Variants in USH2A observed in about 807,000 individuals in gnomAD.
USH2A encodes usherin, also known as Usher syndrome 2A (autosomal recessive, mild).
Under a neutral mutation model 538.9 loss-of-function variants are expected in USH2A, and 443 were observed. That is an observed-to-expected ratio of 0.82 (90% CI 0.76 to 0.89). The LOEUF (loss-of-function observed/expected upper bound fraction) is 0.89, where lower values mean the gene tolerates loss of function less well. USH2A is among the 40% of genes least tolerant of loss of function. The pLI, the probability that USH2A is intolerant of heterozygous loss-of-function variation, is 0.00. For synonymous variants in USH2A, 2,413 were observed against 2,273.5 expected (o/e 1.06, Z -1.75); for missense variants, 6,633 against 6,324.8 (o/e 1.05, Z -1.65).
chr1:215,743,414 G>GTC, intron 58 of USH2A, 79 bp from the exon 59 acceptor site: 17 of 391,194 alleles, frequency 4.3e-5, no homozygotes, highest in South Asian at 9.8e-5. Context: ...GTGTGTGTGT[G>GTC]TGTATATATA....
chr1:216,148,474 C>G (rs1031401678), intron 21 of USH2A, among the ~76,000 whole-genome samples: 11 of 152,012 alleles, frequency 7.2e-5, no homozygotes, highest in Non-Finnish European at 1.2e-4. Flanking sequence ...CCTTGGTGAC[C>G]GATCATGCAC....
chr1:216,312,221 G>T (rs1263114584), intron 9 of USH2A, among the ~76,000 whole-genome samples: 1 of 150,996 alleles, frequency 6.6e-6, no homozygotes, highest in Admixed American at 6.6e-5. Context: ...TTTCTTGCTT[G>T]CATGCTTTCT....
chr1:216,389,409 A>C (rs2039061660), intron 3 of USH2A, among the ~76,000 whole-genome samples: 1 of 152,288 alleles, frequency 6.6e-6, no homozygotes, highest in Non-Finnish European at 1.5e-5. Context: ...GTCTGGCCCA[A>C]CATACTTTTA....
At chr1:215,734,615 C>G (rs1660102124) in intron 60 of USH2A, among the ~76,000 whole-genome samples, 1 of 152,162 alleles carries the variant, frequency 6.6e-6, no homozygotes, top group Non-Finnish European at 1.5e-5. Flanking sequence ...GCTCCCATAT[C>G]TGATTGTAGG....
chr1:215,869,515 T>TAG (rs1664569950), intron 43 of USH2A, among the ~76,000 whole-genome samples: 3 of 152,046 alleles, frequency 2.0e-5, no homozygotes, highest in Non-Finnish European at 4.4e-5. Context: ...GTTAAGAGGG[T>TAG]AGCAAGCCTA....
chr1:215,945,557 A>G (rs1485887745), intron 37 of USH2A, among the ~76,000 whole-genome samples: 1 of 152,178 alleles, frequency 6.6e-6, no homozygotes, highest in Admixed American at 6.6e-5. Flanking sequence ...ACATGACTAC[A>G]TCTTAAGAAA....
intron 61 of USH2A, among the ~76,000 whole-genome samples, chr1:215,708,281 A>C (rs1659240091): frequency 6.6e-6 from 1 of 152,118 alleles, no homozygotes; most frequent in Non-Finnish European, 1.5e-5. Context: ...TAAGAGCTTC[A>C]AGAGGGAAGC....
intron 21 of USH2A, among the ~76,000 whole-genome samples, chr1:216,109,350 T>C (rs2032811010): frequency 6.6e-6 from 1 of 152,082 alleles, no homozygotes; most frequent in African/African-American, 2.4e-5. Context: ...ATTCTCCCCA[T>C]CTACAATAGC....
chr1:215,848,701 C>T (rs1663930632), intron 44 of USH2A, among the ~76,000 whole-genome samples: 1 of 152,322 alleles, frequency 6.6e-6, no homozygotes, highest in Admixed American at 6.5e-5. Context: ...GATTTCTGGC[C>T]TATTCTCCCT....
At chr1:215,809,513 A>G (rs1207576740) in intron 49 of USH2A, among the ~76,000 whole-genome samples, 2 of 151,372 alleles carry the variant, frequency 1.3e-5, no homozygotes, top group Non-Finnish European at 2.9e-5. Flanking sequence ...TTTTTTCCTC[A>G]AAAAGGGGCT....
chr1:216,003,664 G>A (rs1006643759), intron 32 of USH2A, among the ~76,000 whole-genome samples: 1 of 152,082 alleles, frequency 6.6e-6, no homozygotes, highest in African/African-American at 2.4e-5. Flanking sequence ...AAATTAGGAA[G>A]AAGTAAGTTA....
chr1:215,671,970 C>T (rs750041302), intron 63 of USH2A, among the ~76,000 whole-genome samples: 13 of 152,134 alleles, frequency 8.5e-5, no homozygotes, highest in Admixed American at 2.6e-4. Context: ...AAAGACCTTG[C>T]GGGGCCAAAG....
intron 9 of USH2A, among the ~76,000 whole-genome samples, chr1:216,293,868 G>C (rs1370968575): frequency 6.6e-6 from 1 of 152,182 alleles, no homozygotes. Context: ...GTGGTAATTT[G>C]TGGACTGCAG....
chr1:215,910,834 T>G (rs1665763687), intron 38 of USH2A, among the ~76,000 whole-genome samples: 1 of 151,896 alleles, frequency 6.6e-6, no homozygotes, highest in Non-Finnish European at 1.5e-5. Flanking sequence ...CTCTCTGTAA[T>G]TTTCTTACCC....
rs186335152 is a variant in USH2A, at chr1:215,788,603, G to A, written c.10182+1456C>T. Among the ~76,000 whole-genome samples the A allele has an allele frequency of 1.7e-3, 263 of 152,228 alleles. 1 individual carries two copies. Among genetic ancestry groups the A allele is most frequent in the Non-Finnish European group, 3.1e-3 (214 of 68,018 alleles). On this transcript the variant is annotated intron_variant, in intron 51 of 71. Coordinates refer to ENST00000307340, the MANE Select transcript of USH2A (RefSeq NM_206933.4). ...AAGAAACCATCCTAACTTCCACATA[G>A]AGGTTCATTGTCATGAAATTTTAGA...
intron 38 of USH2A, among the ~76,000 whole-genome samples, chr1:215,923,745 A>G (rs996148589): frequency 1.3e-5 from 2 of 152,076 alleles, no homozygotes; most frequent in Non-Finnish European, 2.9e-5. Flanking sequence ...ACTGCACAAG[A>G]GCATGATAGT....
chr1:215,698,681 T>G (rs971987833), intron 61 of USH2A, among the ~76,000 whole-genome samples: 1 of 152,222 alleles, frequency 6.6e-6, no homozygotes, highest in Non-Finnish European at 1.5e-5. Flanking sequence ...TTTGTTTTTT[T>G]CTTGTAAATT....
intron 40 of USH2A, among the ~76,000 whole-genome samples, chr1:215,893,253 C>T (rs548394911): frequency 1.2e-3 from 188 of 152,148 alleles, no homozygotes; most frequent in Middle Eastern, 3.4e-3. Flanking sequence ...TAGGCAGGTG[C>T]TATAGAAAAT....
intron 21 of USH2A, among the ~76,000 whole-genome samples, chr1:216,136,153 A>G (rs1466636055): frequency 6.6e-6 from 1 of 152,174 alleles, no homozygotes; most frequent in Non-Finnish European, 1.5e-5. Context: ...TACCCAAACC[A>G]GCAGGAGTTG....
Sources: allele counts gnomAD v4.1 joint callset (sites outside exome capture counted in the v4.1 genomes callset), GRCh38; gene constraint gnomAD v4.1.1; transcripts MANE v1.5; gene names NCBI Gene and HGNC (gene_info 2026-07-23, HGNC 2026-07-21).